The following GFRA2 variants were observed in gnomAD, a reference collection of about 807,000 sequenced individuals.
GFRA2 encodes the protein GDNF family receptor alpha 2.
GFRA2 carries 17 observed loss-of-function variants against 48.3 expected under a neutral mutation model. The observed-to-expected ratio is 0.35, with a 90% confidence interval of 0.24 to 0.53. The LOEUF (loss-of-function observed/expected upper bound fraction) is 0.53, where lower values mean the gene tolerates loss of function less well. GFRA2 is among the 20% of genes least tolerant of loss of function. The pLI, the probability that GFRA2 is intolerant of heterozygous loss-of-function variation, is 0.93. For missense variants in GFRA2, 660 were observed against 637.3 expected (o/e 1.04, Z -0.38); for synonymous variants, 305 against 257.2 (o/e 1.19, Z -1.78).
At chr8:21,705,841 C>T (rs1802712260) in intron 5 of GFRA2, 91 bp downstream of exon 5, 1 of 795,832 alleles carries the variant, frequency 1.3e-6, no homozygotes, top group Admixed American at 2.6e-5. Context: ...GCTGTCTCCC[C>T]CAGCTGGCCC....
At chr8:21,735,806 A>AGG (rs747341717) in intron 4 of GFRA2, among the ~76,000 whole-genome samples, 1 of 151,812 alleles carries the variant, frequency 6.6e-6, no homozygotes, top group Non-Finnish European at 1.5e-5. Flanking sequence ...AGCCGGGACT[A>AGG]CGGGCCCATG....
At chr8:21,749,934 G>A (rs145927463) in intron 4 of GFRA2, among the ~76,000 whole-genome samples, 7 of 152,218 alleles carry the variant, frequency 4.6e-5, no homozygotes, top group Non-Finnish European at 8.8e-5. Flanking sequence ...AAAGCTTAGC[G>A]CAGAGCCTAG....
At chr8:21,751,191 A>T (rs565584448) in intron 3 of GFRA2, among the ~76,000 whole-genome samples, 1 of 152,204 alleles carries the variant, frequency 6.6e-6, no homozygotes, top group Non-Finnish European at 1.5e-5. Flanking sequence ...GGTGAGCTGT[A>T]CCATGGCAAT....
intron 4 of GFRA2, among the ~76,000 whole-genome samples, chr8:21,731,170 G>A (rs1804172579): frequency 6.6e-6 from 1 of 152,148 alleles, no homozygotes; most frequent in Non-Finnish European, 1.5e-5. Flanking sequence ...ACGTGGCGAG[G>A]TAGTGACAGC....
At chr8:21,726,278 G>T (rs903797333) in intron 4 of GFRA2, among the ~76,000 whole-genome samples, 2 of 152,106 alleles carry the variant, frequency 1.3e-5, no homozygotes, top group African/African-American at 4.8e-5. Flanking sequence ...GCTCTCAGGG[G>T]GTATTAATTG....
At chr8:21,739,979 C>T (rs1804669730) in intron 4 of GFRA2, among the ~76,000 whole-genome samples, 1 of 152,224 alleles carries the variant, frequency 6.6e-6, no homozygotes, top group East Asian at 1.9e-4. Context: ...GAGTTGGTGG[C>T]AGCCATATCG....
At chr8:21,773,999 C>T (rs375321442) in intron 3 of GFRA2, among the ~76,000 whole-genome samples, 5 of 152,158 alleles carry the variant, frequency 3.3e-5, no homozygotes, top group Non-Finnish European at 4.4e-5. Context: ...TTGAAAACCC[C>T]GCTTTAGAGC....
intron 3 of GFRA2, among the ~76,000 whole-genome samples, chr8:21,754,774 G>A (rs1044449243): frequency 3.3e-5 from 5 of 152,186 alleles, no homozygotes; most frequent in African/African-American, 1.2e-4. Flanking sequence ...CTCCAAAAGT[G>A]CTGGGATTAC....
At position 21,722,524 on chromosome 8, in the gene GFRA2, C is replaced by A. The variant is rs551240870; in HGVS notation, c.795-16483G>T. Reference sequence around the variant, plus strand: ...AATCTATGAACTGTGGGGTTCTAACCTGTCAGCTTAAGGTCAGGTGCACAG... The same window carrying A: ...AATCTATGAACTGTGGGGTTCTAACATGTCAGCTTAAGGTCAGGTGCACAG... On this transcript the variant is annotated intron_variant, in intron 4 of 8. Transcript: ENST00000524240. Among the ~76,000 whole-genome samples, 46 of 152,306 alleles carry A rather than the reference C, an allele frequency of 3.0e-4. No individual in the cohort carries two copies. In the South Asian group the frequency reaches 8.9e-3, roughly 30 times the overall value.
chr8:21,711,851 T>C (rs1366673711), intron 4 of GFRA2, among the ~76,000 whole-genome samples: 1 of 152,158 alleles, frequency 6.6e-6, no homozygotes, highest in Non-Finnish European at 1.5e-5. Flanking sequence ...TTTGTGTCCC[T>C]GGGTACTTGA....
intron 3 of GFRA2, among the ~76,000 whole-genome samples, chr8:21,756,643 G>A (rs1032538400): frequency 3.3e-5 from 5 of 152,316 alleles, no homozygotes; most frequent in African/African-American, 1.2e-4. Context: ...CTGGGAAGAA[G>A]AAGGTGGGGG....
intron 6 of GFRA2, among the ~76,000 whole-genome samples, chr8:21,704,076 GC>G (rs1320348443): frequency 2.6e-5 from 4 of 152,208 alleles, no homozygotes; most frequent in Admixed American, 2.0e-4. Context: ...GATAACTCTT[GC>G]CACTCTGGTC....
At chr8:21,698,786 T>C (rs1004813808) in intron 7 of GFRA2, among the ~76,000 whole-genome samples, 24 of 150,784 alleles carry the variant, frequency 1.6e-4, no homozygotes, top group Middle Eastern at 3.2e-3. Flanking sequence ...CCACTCAGTA[T>C]AGTAGACCCC....
intron 4 of GFRA2, among the ~76,000 whole-genome samples, chr8:21,729,191 T>C (rs1159295904): frequency 6.6e-6 from 1 of 152,104 alleles, no homozygotes; most frequent in Admixed American, 6.5e-5. Context: ...AGGAGCCAGG[T>C]GTGTTGGGTC....
intron 4 of GFRA2, among the ~76,000 whole-genome samples, chr8:21,727,407 C>A (rs1031637934): frequency 6.6e-6 from 1 of 152,166 alleles, no homozygotes; most frequent in Non-Finnish European, 1.5e-5. Context: ...AGTCCCCAGG[C>A]CTTGGGCCCT....
At chr8:21,797,129 G>GTAAAA (rs1807690704) in intron 2 of GFRA2, among the ~76,000 whole-genome samples, 1 of 152,028 alleles carries the variant, frequency 6.6e-6, no homozygotes, top group African/African-American at 2.4e-5. Flanking sequence ...AAATGCTTTA[G>GTAAAA]TAAAATAAAA....
At chr8:21,755,316 G>A (rs557644717) in intron 3 of GFRA2, among the ~76,000 whole-genome samples, 4 of 152,096 alleles carry the variant, frequency 2.6e-5, no homozygotes, top group Non-Finnish European at 5.9e-5. Flanking sequence ...CTGGGGAGGA[G>A]TAGCGGGTAG....
At position 21,693,320 on chromosome 8, in the gene GFRA2, G is replaced by A; in HGVS notation, c.1353C>T (p.Ala451=). Residue 451 remains alanine (A), a synonymous_variant, in exon 9 of 9, where the codon GCC becomes GCT. Transcript: ENST00000524240. ...GCATCAGGACAGACAGCACGGTCAA[G>A]GCAGCCGACGGTCTGGCTCTGCTGG... ...SGPSRARPSA[A]LTVLSVLMLK... is the part of the protein sequence containing the mutation. 1 of 1,613,738 alleles carries A rather than the reference G, an allele frequency of 6.2e-7. No homozygotes were observed. Among genetic ancestry groups the A allele is most frequent in the Non-Finnish European group, 8.5e-7 (1 of 1,179,778 alleles).
chr8:21,730,016 G>C lies in GFRA2; in HGVS notation c.794+20572C>G, dbSNP rs887628656. Among the ~76,000 whole-genome samples, 9 of 152,114 alleles carry C rather than the reference G, an allele frequency of 5.9e-5. No individual in the cohort carries two copies. In the South Asian group the frequency reaches 8.3e-4, roughly 14 times the overall value. On this transcript the variant is annotated intron_variant, in intron 4 of 8. Transcript: ENST00000524240. ...TCAGGGAGGAGGAGGAGGAGCTGCA[G>C]GGTGGACCTCGAGGGCCTCTCTTGG...
Sources: allele counts gnomAD v4.1 joint callset (sites outside exome capture counted in the v4.1 genomes callset), GRCh38; gene constraint gnomAD v4.1.1; transcripts MANE v1.5; gene names NCBI Gene and HGNC (gene_info 2026-07-23, HGNC 2026-07-21).